Variants in TMEM132B observed in about 807,000 individuals in gnomAD.
The protein encoded by TMEM132B is transmembrane protein 132B.
TMEM132B carries 18 observed loss-of-function variants against 90.8 expected under a neutral mutation model. The ratio of observed to expected loss-of-function variants is 0.20; its 90% CI spans 0.14 to 0.29. TMEM132B has a LOEUF of 0.29. Among genes scored for constraint, TMEM132B ranks in the 10% least tolerant of loss-of-function variants. The pLI is 1.00. For missense variants in TMEM132B, 1,096 were observed against 1,326.8 expected (o/e 0.83, Z 2.70); for synonymous variants, 504 against 523.3 (o/e 0.96, Z 0.50).
chr12:125,627,077 T>A (rs547057810), intron 5 of TMEM132B, among the ~76,000 whole-genome samples: 2 of 152,252 alleles, frequency 1.3e-5, no homozygotes, highest in South Asian at 4.1e-4. Flanking sequence ...CCTAATCTAC[T>A]GATGAGTAAA....
At chr12:125,288,083 A>G (rs1375064456) in intron 1 of TMEM132B, among the ~76,000 whole-genome samples, 4 of 147,434 alleles carry the variant, frequency 2.7e-5, no homozygotes, top group Non-Finnish European at 6.0e-5. Flanking sequence ...CATGTTGGCC[A>G]GGCTGGTCTT....
rs113856347 is a variant in TMEM132B, at chr12:125,318,655, A to G, written c.68-30797A>G. Among the ~76,000 whole-genome samples, 407 of 152,298 alleles carry G rather than the reference A, an allele frequency of 2.7e-3. 2 individuals are homozygous for G. Among genetic ancestry groups the G allele is most frequent in the African/African-American group, 9.4e-3 (391 of 41,560 alleles). On this transcript the variant is annotated intron_variant, in intron 1 of 8. Coordinates refer to ENST00000682704, the MANE Select transcript of TMEM132B (RefSeq NM_001366854.1). ...TTCCTGTGTTAGTTTGCTGAGGACAATGGCTTCCAGCTCCATCCATATCCC... is the reference window on the plus strand; with the variant it reads ...TTCCTGTGTTAGTTTGCTGAGGACAGTGGCTTCCAGCTCCATCCATATCCC...
intron 3 of TMEM132B, among the ~76,000 whole-genome samples, chr12:125,421,153 G>C (rs1880154498): frequency 6.6e-6 from 1 of 152,180 alleles, no homozygotes; most frequent in Non-Finnish European, 1.5e-5. Flanking sequence ...CATCCAAACT[G>C]TTCCAACCTC....
At chr12:125,424,357 A>G (rs575020642) in intron 3 of TMEM132B, among the ~76,000 whole-genome samples, 2 of 152,270 alleles carry the variant, frequency 1.3e-5, no homozygotes, top group South Asian at 4.1e-4. Context: ...TCCAGTGCTC[A>G]CTTCCTTTGC....
intron 3 of TMEM132B, among the ~76,000 whole-genome samples, chr12:125,483,738 G>A: frequency 6.6e-6 from 1 of 152,208 alleles, no homozygotes; most frequent in Non-Finnish European, 1.5e-5. Flanking sequence ...TAATTTTAAA[G>A]ACCTCAGAGG....
chr12:125,358,250 T>C (rs557227742), intron 2 of TMEM132B, among the ~76,000 whole-genome samples: 2 of 152,242 alleles, frequency 1.3e-5, no homozygotes, highest in South Asian at 4.2e-4. Flanking sequence ...TTTCATTTTG[T>C]TTTACTTTTT....
intron 1 of TMEM132B, among the ~76,000 whole-genome samples, chr12:125,206,595 G>T (rs2136062277): frequency 6.6e-6 from 1 of 152,244 alleles, no homozygotes; most frequent in African/African-American, 2.4e-5. Context: ...CAGCGTGCTT[G>T]GTGTGGGTGT....
intron 6 of TMEM132B, among the ~76,000 whole-genome samples, chr12:125,649,681 C>T (rs182881793): frequency 1.3e-5 from 2 of 152,326 alleles, no homozygotes; most frequent in Non-Finnish European, 2.9e-5. Flanking sequence ...AGTCACTCCC[C>T]TTCCCCCCTT....
At chr12:125,339,810 A>G (rs1877117866) in intron 1 of TMEM132B, among the ~76,000 whole-genome samples, 1 of 152,144 alleles carries the variant, frequency 6.6e-6, no homozygotes, top group Non-Finnish European at 1.5e-5. Context: ...CAATGGCCTT[A>G]TTTTAGCTAT....
intron 4 of TMEM132B, among the ~76,000 whole-genome samples, chr12:125,544,736 G>A (rs1210966407): frequency 3.3e-5 from 5 of 152,216 alleles, no homozygotes; most frequent in Admixed American, 6.5e-5. Context: ...TAAAGTGAGC[G>A]AAGGGGAGAG....
At chr12:125,356,717 C>T (rs7314117) in intron 2 of TMEM132B, among the ~76,000 whole-genome samples, 57 of 152,320 alleles carry the variant, frequency 3.7e-4, no homozygotes, top group African/African-American at 1.2e-3. Flanking sequence ...CAAGGCCCTG[C>T]GTGGTCTGGA....
At chr12:125,438,692 T>A (rs1880773598) in intron 3 of TMEM132B, among the ~76,000 whole-genome samples, 1 of 152,158 alleles carries the variant, frequency 6.6e-6, no homozygotes, top group Non-Finnish European at 1.5e-5. Flanking sequence ...TCCTTAAGGT[T>A]AACCATTATC....
intron 1 of TMEM132B, among the ~76,000 whole-genome samples, chr12:125,271,125 T>G (rs894656978): frequency 1.3e-5 from 2 of 152,100 alleles, no homozygotes; most frequent in Non-Finnish European, 2.9e-5. Context: ...ACCCTGCTAA[T>G]TTTTAATTTT....
At chr12:125,285,149 T>A (rs1454479589) in intron 1 of TMEM132B, among the ~76,000 whole-genome samples, 1 of 152,208 alleles carries the variant, frequency 6.6e-6, no homozygotes, top group Non-Finnish European at 1.5e-5. Context: ...CATGTGACAA[T>A]CTCTGACCCA....
chr12:125,614,563 C>T (rs1278327059), intron 5 of TMEM132B, among the ~76,000 whole-genome samples: 1 of 152,064 alleles, frequency 6.6e-6, no homozygotes, highest in Non-Finnish European at 1.5e-5. Context: ...GTGAACAGTA[C>T]AGCAGTGAAC....
chr12:125,323,339 G>A (rs1382754653), intron 1 of TMEM132B, among the ~76,000 whole-genome samples: 1 of 152,142 alleles, frequency 6.6e-6, no homozygotes, highest in East Asian at 1.9e-4. Context: ...GGGAGGCTGA[G>A]GCAGAAGAAT....
At chr12:125,495,181 C>T (rs1882522809) in intron 3 of TMEM132B, among the ~76,000 whole-genome samples, 1 of 139,404 alleles carries the variant, frequency 7.2e-6, no homozygotes, top group Non-Finnish European at 1.6e-5. Flanking sequence ...CCCTCTTCCC[C>T]CTCCTCCCTG....
chr12:125,299,521 C>T (rs1047064431), intron 1 of TMEM132B, among the ~76,000 whole-genome samples: 1 of 152,236 alleles, frequency 6.6e-6, no homozygotes, highest in Non-Finnish European at 1.5e-5. Flanking sequence ...GCCTGCTTCA[C>T]CCTTCCCTGA....
intron 8 of TMEM132B, among the ~76,000 whole-genome samples, chr12:125,653,291 G>T (rs1369625960): frequency 6.6e-6 from 1 of 152,144 alleles, no homozygotes; most frequent in African/African-American, 2.4e-5. Context: ...TTTTAAAAAG[G>T]TCAAAGTCAA....
Sources: gnomAD v4.1 joint callset for allele counts (sites outside exome capture counted in the v4.1 genomes callset) on GRCh38, gnomAD v4.1.1 for gene constraint, MANE v1.5 for transcripts, NCBI Gene and HGNC (gene_info 2026-07-23, HGNC 2026-07-21) for gene names.